The following KIF3C variants were observed in gnomAD, a reference collection of about 807,000 sequenced individuals.
The protein encoded by KIF3C is kinesin-like protein KIF3C.
In KIF3C, 12 loss-of-function variants were observed where a neutral mutation model predicts 67.7. The ratio of observed to expected loss-of-function variants is 0.18; its 90% CI spans 0.11 to 0.29. The LOEUF (loss-of-function observed/expected upper bound fraction) is 0.29. KIF3C is among the 10% of genes least tolerant of loss of function. The pLI is 1.00. For synonymous variants in KIF3C, 393 were observed against 426.2 expected (o/e 0.92, Z 0.96); for missense variants, 789 against 1,059.6 (o/e 0.74, Z 3.55).
At chr2:25,963,328 TC>T (rs1379969573) in intron 1 of KIF3C, among the ~76,000 whole-genome samples, 1 of 147,270 alleles carries the variant, frequency 6.8e-6, no homozygotes, top group East Asian at 2.0e-4. Flanking sequence ...TGCCTTGGCC[TC>T]CTGAGTAGCT....
intron 5 of KIF3C, among the ~76,000 whole-genome samples, chr2:25,940,976 A>G (rs1225706419): frequency 6.6e-6 from 1 of 151,942 alleles, no homozygotes; most frequent in Non-Finnish European, 1.5e-5. Context: ...TCTAAATCCA[A>G]AGTCTAGTCT....
intron 5 of KIF3C, among the ~76,000 whole-genome samples, chr2:25,943,105 T>C (rs1175996813): frequency 6.6e-6 from 1 of 152,214 alleles, no homozygotes; most frequent in African/African-American, 2.4e-5. Context: ...TATTCCACAC[T>C]TGAGTTGAGC....
chr2:25,942,393 C>T (rs193203014), intron 5 of KIF3C, among the ~76,000 whole-genome samples: 13 of 139,652 alleles, frequency 9.3e-5, no homozygotes, highest in South Asian at 2.4e-4. Flanking sequence ...ATATTTATTG[C>T]TAGACCTAGT....
rs2090418034 is a variant in KIF3C at position 25,927,152 on chromosome 2, C to T, written c.*1826G>A. The T allele has an allele frequency of 6.5e-6, 1 of 152,674 alleles. No individual in the cohort carries two copies. The highest frequency in any genetic ancestry group is 1.5e-5 in the Non-Finnish European group (1 of 68,074). The allele number at this position is 152,674 out of a possible 1,614,324, so 9.5% of individuals were successfully genotyped here. ...GATTTGGGTATATTGTGCTATAAGA[C>T]TGTGAGGGAGGTGTGACAAGACAAT... On this transcript the variant is annotated 3_prime_UTR_variant, in exon 8 of 8. Transcript: ENST00000264712.
intron 5 of KIF3C, 55 bp from the exon 6 acceptor site, chr2:25,930,118 G>A: frequency 7.2e-7 from 1 of 1,387,542 alleles, no homozygotes; most frequent in African/African-American, 1.4e-5. Flanking sequence ...AACAGCAAAT[G>A]ACATCATGAG....
chr2:25,935,815 C>T (rs1016836550), intron 5 of KIF3C, among the ~76,000 whole-genome samples: 2 of 151,942 alleles, frequency 1.3e-5, no homozygotes, highest in African/African-American at 2.4e-5. Flanking sequence ...CAGCGGCTCA[C>T]GCCTGTAATC....
chr2:25,929,883 T>C (rs1436635724), intron 6 of KIF3C, 72 bp downstream of exon 6: 32 of 1,065,086 alleles, frequency 3.0e-5, no homozygotes, highest in Non-Finnish European at 4.5e-5. Flanking sequence ...CCCACAGTGC[T>C]GGGATTACAG....
intron 1 of KIF3C, among the ~76,000 whole-genome samples, chr2:25,972,366 T>C (rs563250836): frequency 6.6e-6 from 1 of 152,280 alleles, no homozygotes; most frequent in African/African-American, 2.4e-5. Flanking sequence ...TAGTGTCATA[T>C]ACTTCCCACT....
Position 25,936,099 on chromosome 2 carries a change from C to A in KIF3C, c.2007-6036G>T, listed in dbSNP as rs202081132. Among the ~76,000 whole-genome samples the A allele has an allele frequency of 8.7e-4, 130 of 150,062 alleles. 1 individual carries two copies. In the East Asian group the frequency reaches 0.022, roughly 26 times the overall value. On this transcript the variant is annotated intron_variant, in intron 5 of 7. Coordinates refer to ENST00000264712, the MANE Select transcript of KIF3C (RefSeq NM_002254.8). Reference sequence around the variant, plus strand: ...GAGACTCAGTCTCAAAAAAAAAAAACAAAACAAAACAAAACAAAAAAATTT... The same window carrying A: ...GAGACTCAGTCTCAAAAAAAAAAAAAAAAACAAAACAAAACAAAAAAATTT...
intron 4 of KIF3C, 186 bp downstream of exon 4, chr2:25,954,081 C>G (rs1663731895): frequency 7.9e-6 from 5 of 629,136 alleles, no homozygotes; most frequent in Non-Finnish European, 1.4e-5. Flanking sequence ...AGGGGTTCAT[C>G]AAATACAGGC....
At chr2:25,936,144 T>C (rs1184004646) in intron 5 of KIF3C, among the ~76,000 whole-genome samples, 1 of 151,794 alleles carries the variant, frequency 6.6e-6, no homozygotes, top group African/African-American at 2.4e-5. Flanking sequence ...TCTACATACA[T>C]GCAGAAAGAC....
rs1574501461 is a variant in KIF3C at position 25,981,138 on chromosome 2, T to C, written c.780A>G (p.Thr260=). The change falls in exon 1 of 8, where the codon ACA becomes ACG. Residue 260 remains threonine (T), a synonymous_variant. Coordinates refer to ENST00000264712, the MANE Select transcript of KIF3C (RefSeq NM_002254.8). This position sits in a 1 kb window ranked among gnomAD's most constrained non-coding sequence, Gnocchi z 8.2. Reference sequence around the variant, plus strand: ...AGGATGGTGTGGCTGCCCCTCCCGCTGTGTTGGGGCCTGCCTTGTTCTGCC... The same window carrying C: ...AGGATGGTGTGGCTGCCCCTCCCGCCGTGTTGGGGCCTGCCTTGTTCTGCC... ...SERQNKAGPN[T]AGGAATPSSG... The C allele has an allele frequency of 6.2e-7, 1 of 1,614,034 alleles. No homozygotes were observed. The highest frequency in any genetic ancestry group is 8.5e-7 in the Non-Finnish European group (1 of 1,180,010).
intron 3 of KIF3C, 83 bp from the exon 4 acceptor site, chr2:25,954,468 G>A (rs1191220778): frequency 9.9e-7 from 1 of 1,014,248 alleles, no homozygotes; most frequent in Non-Finnish European, 1.5e-6. Flanking sequence ...CAGGGCTGCA[G>A]GCTCAGAGTC....
chr2:25,972,618 A>C (rs1281022943), intron 1 of KIF3C, among the ~76,000 whole-genome samples: 2 of 152,214 alleles, frequency 1.3e-5, no homozygotes, highest in Admixed American at 6.5e-5. Context: ...CAGAGTGTCT[A>C]GCATGGGGCT....
At position 25,970,038 on chromosome 2, in the gene KIF3C, C is replaced by T. The variant is rs143470371; in HGVS notation, c.1545+10335G>A. On this transcript the variant is annotated intron_variant, in intron 1 of 7. Coordinates refer to ENST00000264712, the MANE Select transcript of KIF3C (RefSeq NM_002254.8). The stretch of plus-strand genomic sequence containing the variant: ...GCCAAAGATTTGTTGATTATACGAA[C>T]GAATGGTGCTGGGCTGAGGTTAGAA... 1.8e-4 allele frequency among the ~76,000 whole-genome samples: 28 copies of T among 152,220 alleles called. No individual in the cohort carries two copies. The East Asian group carries it at 2.9e-3, about 16-fold the overall frequency.
At position 25,928,699 on chromosome 2, in the gene KIF3C, C is replaced by A. The variant is rs1392083357; in HGVS notation, c.*279G>T. On this transcript the variant is annotated 3_prime_UTR_variant, in exon 8 of 8. Coordinates refer to ENST00000264712, the MANE Select transcript of KIF3C (RefSeq NM_002254.8). ...GATCTGACTGGGGGAGCTCTCAAGT[C>A]AGAAGAAAAAGAGGCTACGCAGTGA... 1.4e-5 allele frequency: 4 copies of A among 286,818 alleles called. No individual in the cohort carries two copies. The highest frequency in any genetic ancestry group is 2.6e-5 in the Non-Finnish European group (4 of 151,834). The allele number at this position is 286,818 out of a possible 1,614,324, so 17.8% of individuals were successfully genotyped here. A position where few individuals can be genotyped will look rare whatever the true frequency, so the allele number is the denominator to read the frequency against.
rs1574474367 is a variant in KIF3C at position 25,928,275 on chromosome 2, G to A, written c.*703C>T. 6.6e-6 allele frequency: 1 copy of A among 152,370 alleles called. No individual in the cohort carries two copies. Among genetic ancestry groups the A allele is most frequent in the East Asian group, 1.9e-4 (1 of 5,188 alleles). The allele number at this position is 152,370 out of a possible 1,614,324, so 9.4% of individuals were successfully genotyped here. On this transcript the variant is annotated 3_prime_UTR_variant, in exon 8 of 8. Transcript: ENST00000264712. ...TTCCATTTCCTGCAGGTTCCAAGGCGATGGTAATTGCTTGGTCCACAGTTC... is the reference window on the plus strand; with the variant it reads ...TTCCATTTCCTGCAGGTTCCAAGGCAATGGTAATTGCTTGGTCCACAGTTC...
rs1264908299 is a variant in KIF3C, at chr2:25,982,428, C to A, written c.-511G>T. Reference sequence around the variant, plus strand: ...CAAGCTGGGGGATCATTCATTGCAGCCAGCGCGGCTGCTGCTGCCTCTGCC... The same window carrying A: ...CAAGCTGGGGGATCATTCATTGCAGACAGCGCGGCTGCTGCTGCCTCTGCC... On this transcript the variant is annotated 5_prime_UTR_variant, in exon 1 of 8. Coordinates refer to ENST00000264712, the MANE Select transcript of KIF3C (RefSeq NM_002254.8). The A allele has an allele frequency of 2.5e-6, 1 of 398,712 alleles. No individual in the cohort carries two copies. The highest frequency in any genetic ancestry group is 4.4e-5 in the Admixed American group (1 of 22,740). The allele number at this position is 398,712 out of a possible 1,614,324, so 24.7% of individuals were successfully genotyped here. A position where few individuals can be genotyped will look rare whatever the true frequency, so the allele number is the denominator to read the frequency against.
intron 1 of KIF3C, among the ~76,000 whole-genome samples, chr2:25,978,623 C>G (rs557284967): frequency 1.3e-5 from 2 of 152,166 alleles, no homozygotes; most frequent in East Asian, 3.9e-4. Flanking sequence ...TGCCTTAGAT[C>G]CAAGGATCTC....
Sources: allele counts gnomAD v4.1 joint callset (sites outside exome capture counted in the v4.1 genomes callset), GRCh38; gene constraint gnomAD v4.1.1; non-coding constraint Gnocchi (gnomAD v3.1); transcripts MANE v1.5; gene names NCBI Gene and HGNC (gene_info 2026-07-23, HGNC 2026-07-21).